FANCD2: variants seen among roughly 807,000 people sequenced by gnomAD.
FANCD2 encodes the protein Fanconi anemia group D2 protein.
FANCD2 carries 131 observed loss-of-function variants against 192.3 expected under a neutral mutation model. That is an observed-to-expected ratio of 0.68 (90% CI 0.59 to 0.79). FANCD2 has a LOEUF of 0.79. FANCD2 is among the 30% of genes least tolerant of loss of function. FANCD2 has a pLI of 0.00. For synonymous variants in FANCD2, 524 were observed against 612.5 expected (o/e 0.86, Z 2.13); for missense variants, 1,508 against 1,701.6 (o/e 0.89, Z 2.00).
At chr3:10,044,644 A>G (rs1193580696) in intron 14 of FANCD2, among the ~76,000 whole-genome samples, 1 of 151,590 alleles carries the variant, frequency 6.6e-6, no homozygotes, top group African/African-American at 2.4e-5. Context: ...GCCTTTAAAG[A>G]TTTTTCTTTG....
chr3:10,049,657 A>T (rs770769534), intron 17 of FANCD2, 152 bp downstream of exon 17: 3 of 788,604 alleles, frequency 3.8e-6, no homozygotes, highest in Non-Finnish European at 6.4e-6. Context: ...CTTTATACCT[A>T]ACCTACAGGC....
intron 10 of FANCD2, among the ~76,000 whole-genome samples, chr3:10,042,329 A>G (rs2086886526): frequency 6.6e-6 from 1 of 152,224 alleles, no homozygotes; most frequent in Non-Finnish European, 1.5e-5. Context: ...TAAATGTAAG[A>G]TAATAGCTCT....
intron 18 of FANCD2, among the ~76,000 whole-genome samples, chr3:10,057,650 A>G (rs987528214): frequency 6.6e-6 from 1 of 152,180 alleles, no homozygotes; most frequent in African/African-American, 2.4e-5. Context: ...GGCATGAGCT[A>G]CTGCTCCCGG....
At chr3:10,048,559 C>G (rs186385181) in intron 16 of FANCD2, among the ~76,000 whole-genome samples, 2 of 152,322 alleles carry the variant, frequency 1.3e-5, no homozygotes, top group African/African-American at 4.8e-5. Context: ...CCTGCCTCAG[C>G]CTCTCAAAGT....
chr3:10,062,058 A>ATGTATACATATGTAACAAACC (rs2087584794), intron 19 of FANCD2, 93 bp from the exon 20 acceptor site: 1 of 847,658 alleles, frequency 1.2e-6, no homozygotes. Flanking sequence ...AACATGGCAC[A>ATGTATACATATGTAACAAACC]TGTATACATA....
At chr3:10,041,046 T>G (rs986788242) in intron 9 of FANCD2, 2 of 165,984 alleles carry the variant, frequency 1.2e-5, no homozygotes, top group Admixed American at 1.2e-4. Context: ...ATACAAAAAT[T>G]AGGTGGGCGT....
intron 18 of FANCD2, among the ~76,000 whole-genome samples, chr3:10,059,149 G>C (rs143492081): frequency 9.6e-4 from 146 of 152,098 alleles, no homozygotes; most frequent in Middle Eastern, 3.4e-3. Flanking sequence ...GAGTAGCCAG[G>C]ACCACAGGCA....
At chr3:10,038,262 G>T (rs1451112527) in intron 7 of FANCD2, among the ~76,000 whole-genome samples, 1 of 152,192 alleles carries the variant, frequency 6.6e-6, no homozygotes, top group Non-Finnish European at 1.5e-5. Flanking sequence ...AAAGTGCTGG[G>T]ATTGCAGGAG....
intron 29 of FANCD2, among the ~76,000 whole-genome samples, chr3:10,077,816 G>T (rs543665566): frequency 6.6e-6 from 1 of 152,156 alleles, no homozygotes; most frequent in East Asian, 1.9e-4. Context: ...GATCATCTGA[G>T]CCCAGGAGTT....
chr3:10,069,464 TCCCCCTCCC>T (rs1559391781), intron 26 of FANCD2, among the ~76,000 whole-genome samples: 2 of 102,988 alleles, frequency 1.9e-5, no homozygotes, highest in Non-Finnish European at 3.8e-5. Flanking sequence ...AAGATGCCTC[TCCCCCTCCC>T]CCTCCCCCTC....
intron 2 of FANCD2, among the ~76,000 whole-genome samples, chr3:10,031,319 T>C (rs3105784): frequency 0.55 from 83,308 of 151,462 alleles, 23,644 homozygotes; most frequent in African/African-American, 0.68. Flanking sequence ...TTGGCTAACA[T>C]GGTGAAACCC....
intron 28 of FANCD2, 127 bp from the exon 29 acceptor site, chr3:10,074,400 AGTT>A (rs1693421002): frequency 1.2e-6 from 1 of 804,458 alleles, no homozygotes; most frequent in Non-Finnish European, 1.9e-6. Context: ...GGCTAGAGGA[AGTT>A]GTTATTATAA....
At chr3:10,069,483 C>CT (rs2087813968) in intron 26 of FANCD2, among the ~76,000 whole-genome samples, 2 of 140,806 alleles carry the variant, frequency 1.4e-5, no homozygotes, top group South Asian at 4.5e-4. Flanking sequence ...CCCTCCCCCT[C>CT]CCCCTCTCCC....
chr3:10,035,347 G>A (rs1447811628), intron 6 of FANCD2, 114 bp downstream of exon 6: 7 of 919,658 alleles, frequency 7.6e-6, no homozygotes, highest in Non-Finnish European at 1.3e-5. Context: ...ATTTGGGTTT[G>A]TAGCAGCTTT....
At position 10,042,567 on chromosome 3, in the gene FANCD2, G is replaced by C. The variant is rs141740856; in HGVS notation, c.792G>C (p.Gln264His). The C allele has an allele frequency of 1.2e-6, 2 of 1,613,798 alleles. No individual in the cohort carries two copies. Among genetic ancestry groups the C allele is most frequent in the Non-Finnish European group, 1.7e-6 (2 of 1,179,736 alleles). The change falls in exon 11 of 44, where the codon CAG becomes CAC. Residue 264 changes from glutamine (Q) to histidine (H), a missense_variant. Gln to His is a conservative substitution (Grantham distance 24). This residue lies in a region of FANCD2 where 435 missense variants were observed against 421.9 expected (regional missense o/e 1.03). Transcript: ENST00000675286. ...GTGCTTTTAATTTTTAGGTTCGCCAGTTGGTGATGGATAAGTTGTCGTCTA... is the reference window on the plus strand; with the variant it reads ...GTGCTTTTAATTTTTAGGTTCGCCACTTGGTGATGGATAAGTTGTCGTCTA... ...LDPNFLLKVRQLVMDKLSSIR... is the reference protein window; with the variant it reads ...LDPNFLLKVRHLVMDKLSSIR...
At chr3:10,046,833 A>C in intron 15 of FANCD2, 110 bp downstream of exon 15, 1 of 972,440 alleles carries the variant, frequency 1.0e-6, no homozygotes, top group Non-Finnish European at 1.6e-6. Flanking sequence ...AGATTTTTGA[A>C]TTTTGTTTTT....
chr3:10,031,357 G>T (rs35209620), intron 2 of FANCD2, among the ~76,000 whole-genome samples: 1,778 of 152,198 alleles, frequency 0.012, 15 homozygotes, highest in Non-Finnish European at 0.019. Flanking sequence ...CAAAAAATTA[G>T]CCGGGCGTGG....
chr3:10,090,274 G>A lies in FANCD2; in HGVS notation c.3684-18G>A. ...AGTGCATCATGGTGTGGGCACGCAT[G>A]CTTTTCCCGTCTTCTAGGCATACTT... On this transcript the variant is annotated intron_variant, in intron 36 of 43. Coordinates refer to ENST00000675286, the MANE Select transcript of FANCD2 (RefSeq NM_001018115.3). The A allele has an allele frequency of 6.3e-7, 1 of 1,595,976 alleles. No individual in the cohort carries two copies. The highest frequency in any genetic ancestry group is 1.3e-5 in the African/African-American group (1 of 74,636).
intron 3 of FANCD2, 123 bp from the exon 4 acceptor site, chr3:10,034,346 G>C: frequency 2.4e-6 from 1 of 415,504 alleles, no homozygotes. Context: ...AAAAAAAAAA[G>C]ATTTGTCTCT....
Sources: gnomAD v4.1 joint callset for allele counts (sites outside exome capture counted in the v4.1 genomes callset) on GRCh38, gnomAD v4.1.1 for gene constraint, gnomAD v4.1.1 regional missense constraint, MANE v1.5 for transcripts, NCBI Gene and HGNC (gene_info 2026-07-23, HGNC 2026-07-21) for gene names.